WDPCP: variants seen among roughly 807,000 people sequenced by gnomAD.
The protein encoded by WDPCP is WD repeat-containing and planar cell polarity effector protein fritz homolog.
WDPCP carries 71 observed loss-of-function variants against 93.1 expected under a neutral mutation model. The observed-to-expected ratio is 0.76, with a 90% confidence interval of 0.63 to 0.93. WDPCP has a LOEUF of 0.93. Ranked by LOEUF, WDPCP falls within the 40% of genes least tolerant of loss-of-function variation. The pLI is 0.00. For synonymous variants in WDPCP, 315 were observed against 315.0 expected (o/e 1.00, Z 0.00); for missense variants, 844 against 887.4 (o/e 0.95, Z 0.62).
At chr2:63,219,046 G>T (rs188047727) in intron 14 of WDPCP, among the ~76,000 whole-genome samples, 3 of 152,144 alleles carry the variant, frequency 2.0e-5, no homozygotes, top group African/African-American at 7.2e-5. Flanking sequence ...TAATTATGAT[G>T]TTTAAATATA....
chr2:63,792,537 G>A (rs956528860), intron 2 of WDPCP, among the ~76,000 whole-genome samples: 1 of 152,170 alleles, frequency 6.6e-6, no homozygotes, highest in African/African-American at 2.4e-5. Flanking sequence ...CTATACATAT[G>A]AGGGGCATCT....
intron 2 of WDPCP, among the ~76,000 whole-genome samples, chr2:63,722,300 C>G (rs1669429314): frequency 2.0e-5 from 3 of 151,502 alleles, no homozygotes; most frequent in Admixed American, 1.3e-4. Flanking sequence ...CTCTGCCCGG[C>G]CGCCATCACA....
intron 15 of WDPCP, among the ~76,000 whole-genome samples, chr2:63,159,596 G>A (rs915998507): frequency 7.2e-5 from 11 of 152,136 alleles, no homozygotes; most frequent in African/African-American, 2.7e-4. Flanking sequence ...TGTGATGAAT[G>A]TTATTTTTGT....
intron 1 of WDPCP, among the ~76,000 whole-genome samples, chr2:63,531,761 G>C (rs1264079110): frequency 2.6e-5 from 4 of 152,174 alleles, no homozygotes; most frequent in Admixed American, 6.5e-5. Context: ...GGGGAAACCA[G>C]AGCAGAAAAG....
intron 14 of WDPCP, among the ~76,000 whole-genome samples, chr2:63,213,918 C>T (rs748790314): frequency 4.6e-5 from 7 of 151,990 alleles, no homozygotes; most frequent in Non-Finnish European, 8.8e-5. Context: ...CAAGAATACA[C>T]CAGGAGGAAG....
intron 3 of WDPCP, among the ~76,000 whole-genome samples, chr2:63,632,649 G>T (rs539769019): frequency 6.6e-6 from 1 of 152,038 alleles, no homozygotes. Flanking sequence ...CTCAAAGACA[G>T]GTCATTTGAA....
At chr2:63,758,338 T>C (rs1669999094) in intron 2 of WDPCP, among the ~76,000 whole-genome samples, 1 of 152,042 alleles carries the variant, frequency 6.6e-6, no homozygotes, top group Admixed American at 6.6e-5. Context: ...ACTGAAATTA[T>C]GAGGGCCTCA....
At chr2:63,288,234 G>C (rs926079698) in intron 13 of WDPCP, among the ~76,000 whole-genome samples, 5 of 152,218 alleles carry the variant, frequency 3.3e-5, no homozygotes, top group African/African-American at 1.2e-4. Context: ...AGAATGTTCA[G>C]AAGGCATACT....
chr2:63,202,576 G>A (rs1209191943), intron 14 of WDPCP, among the ~76,000 whole-genome samples: 1 of 151,942 alleles, frequency 6.6e-6, no homozygotes, highest in African/African-American at 2.4e-5. Context: ...TCCTTTTATA[G>A]TGCAGTTCTT....
At chr2:63,661,973 G>A (rs1254298711) in intron 2 of WDPCP, among the ~76,000 whole-genome samples, 1 of 152,180 alleles carries the variant, frequency 6.6e-6, no homozygotes, top group African/African-American at 2.4e-5. Flanking sequence ...GCTGGCAAGA[G>A]AGAAATTGCC....
chr2:63,591,034 A>C (rs762576807), upstream of WDPCP: 1 of 152,260 alleles, frequency 6.6e-6, no homozygotes, highest in African/African-American at 2.4e-5. Flanking sequence ...TTTGAAAGTG[A>C]AAAAGAAATA....
intron 14 of WDPCP, among the ~76,000 whole-genome samples, chr2:63,187,056 T>C (rs1674697345): frequency 1.3e-5 from 2 of 152,160 alleles, no homozygotes; most frequent in Admixed American, 1.3e-4. Context: ...ATTTAGTGCA[T>C]AAATATTTAT....
At chr2:63,604,611 T>C in intron 3 of WDPCP, 1 of 1,055,892 alleles carries the variant, frequency 9.5e-7, no homozygotes, top group Admixed American at 2.5e-5. Context: ...TTTTTATCTT[T>C]ATTTAAGGGC....
chr2:63,544,793 TAC>T (rs1401966507), intron 1 of WDPCP, among the ~76,000 whole-genome samples: 2 of 152,196 alleles, frequency 1.3e-5, no homozygotes, highest in Admixed American at 6.5e-5. Context: ...ATGTTCCTGT[TAC>T]AGTGTTGAGC....
intron 1 of WDPCP, among the ~76,000 whole-genome samples, chr2:63,563,326 C>T (rs778752282): frequency 2.6e-5 from 4 of 151,632 alleles, no homozygotes; most frequent in South Asian, 2.1e-4. Flanking sequence ...AAGTCCTCTG[C>T]TTGTTGAAAA....
intron 2 of WDPCP, among the ~76,000 whole-genome samples, chr2:63,669,165 G>A (rs1017261853): frequency 2.0e-5 from 3 of 152,120 alleles, no homozygotes; most frequent in Non-Finnish European, 2.9e-5. Context: ...AGAAAGATTC[G>A]TCATTAGCTT....
chr2:63,563,052 C>T (rs902879809), intron 1 of WDPCP, among the ~76,000 whole-genome samples: 2 of 152,088 alleles, frequency 1.3e-5, no homozygotes, highest in Non-Finnish European at 2.9e-5. Context: ...CACACAAATA[C>T]ACACACACAT....
intron 1 of WDPCP, among the ~76,000 whole-genome samples, chr2:63,514,074 A>T (rs891307268): frequency 1.2e-4 from 19 of 152,156 alleles, no homozygotes; most frequent in Non-Finnish European, 2.9e-5. Context: ...TTAAAATTTT[A>T]AAAATGATGA....
chr2:63,566,594 C>T (rs996640928), intron 1 of WDPCP, among the ~76,000 whole-genome samples: 2 of 152,180 alleles, frequency 1.3e-5, no homozygotes, highest in Admixed American at 1.3e-4. Flanking sequence ...AGACCTGTCT[C>T]AGATTTTCTG....
Sources: allele counts gnomAD v4.1 joint callset (sites outside exome capture counted in the v4.1 genomes callset), GRCh38; gene constraint gnomAD v4.1.1; transcripts MANE v1.5; gene names NCBI Gene and HGNC (gene_info 2026-07-23, HGNC 2026-07-21).